The following OMG variants were observed in gnomAD, a reference collection of about 807,000 sequenced individuals.
The protein encoded by OMG is oligodendrocyte-myelin glycoprotein.
A neutral mutation model predicts 26.2 loss-of-function variants in OMG; 9 were observed. The observed-to-expected ratio is 0.34, with a 90% CI of 0.21 to 0.60. OMG has a LOEUF of 0.60. OMG is among the 20% of genes least tolerant of loss of function. The pLI is 0.80. For synonymous variants in OMG, 179 were observed against 190.4 expected (o/e 0.94, Z 0.49); for missense variants, 402 against 513.6 (o/e 0.78, Z 2.10).
Position 31,295,069 on chromosome 17 carries a change from A to G in OMG, c.1263T>C (p.Ala421=). Residue 421 remains alanine, a synonymous_variant, in exon 2 of 2, where the codon GCT becomes GCC. Transcript: ENST00000247271. Reference sequence around the variant, plus strand: ...AGAGAAATGAAGCATTTACTTTCCAAGCATTTGCCACAGAAGGTAATGGAG... The same window carrying G: ...AGAGAAATGAAGCATTTACTTTCCAGGCATTTGCCACAGAAGGTAATGGAG... The part of the protein sequence containing the change: ...VKTPLPSVAN[A]WKVNASFLLL... 4.3e-6 allele frequency: 7 copies of G among 1,614,174 alleles called. No individual in the cohort carries two copies. Among genetic ancestry groups the G allele is most frequent in the Non-Finnish European group, 5.9e-6 (7 of 1,180,006 alleles).
chr17:31,296,744 C>A, intron 1 of OMG: 1 of 211,084 alleles, frequency 4.7e-6, no homozygotes. Context: ...AAATGGCTGT[C>A]GTGTCTTTTT....
At chr17:31,296,600 T>G (rs2068471323) in intron 1 of OMG, 1 of 444,584 alleles carries the variant, frequency 2.2e-6, no homozygotes, top group Admixed American at 3.5e-5. Flanking sequence ...CCCTCCCCCC[T>G]TTTCTAACCA....
chr17:31,295,162 G>A lies in OMG; in HGVS notation c.1170C>T (p.Phe390=). 1 of 1,614,186 alleles carries A rather than the reference G, an allele frequency of 6.2e-7. No homozygotes were observed. The highest frequency in any genetic ancestry group is 1.7e-5 in the Admixed American group (1 of 60,016). The change falls in exon 2 of 2, where the codon TTC becomes TTT. Residue 390 remains phenylalanine (F), a synonymous_variant. Transcript: ENST00000247271. The part of the protein sequence containing the change: ...LSITSGMPNN[F]SEMPQQSTTL... ...TTGTGCTTTGTTGAGGCATTTCAGA[G>A]AAATTATTTGGCATGCCACTAGTGA...
chr17:31,294,787 T>G lies in OMG; in HGVS notation c.*222A>C. On this transcript the variant is annotated 3_prime_UTR_variant, in exon 2 of 2. Transcript: ENST00000247271. ...TCATTTTTTTTATAAAAGAAACTCA[T>G]TAGTTTACTTAATTAAGACAGTAAA... 1 of 585,634 alleles carries G rather than the reference T, an allele frequency of 1.7e-6. No homozygotes were observed. The highest frequency in any genetic ancestry group is 3.0e-6 in the Non-Finnish European group (1 of 332,798). 36.3% of individuals were successfully genotyped at this position (585,634 alleles called of 1,614,324 possible). A position where few individuals can be genotyped will look rare whatever the true frequency, so the allele number is the denominator to read the frequency against.
Position 31,295,032 on chromosome 17 carries a change from C to T in OMG, c.1300G>A (p.Val434Ile). The change falls in exon 2 of 2, where the codon GTT (valine) becomes ATT (isoleucine). Residue 434 changes from valine (V) to isoleucine (I), a missense_variant. Transcript: ENST00000247271. ...CCTCAGACAGCCAGCATGACCACAA[C>T]ATTGAGCAATAAGAGAAATGAAGCA... ...VNASFLLLLNVVVMLAV is the reference protein window; with the variant it reads ...VNASFLLLLNIVVMLAV 1 of 1,614,120 alleles carries T rather than the reference C, an allele frequency of 6.2e-7. No individual in the cohort carries two copies. The highest frequency in any genetic ancestry group is 8.5e-7 in the Non-Finnish European group (1 of 1,179,990).
rs1176325695 is a variant in OMG at position 31,296,572 on chromosome 17, C to G, written c.-6-235G>C. 5 of 511,324 alleles carry G rather than the reference C, an allele frequency of 9.8e-6. No individual in the cohort carries two copies. In the East Asian group the frequency reaches 1.7e-4, roughly 17 times the overall value. The allele number at this position is 511,324 out of a possible 1,614,324, so 31.7% of individuals were successfully genotyped here. A position where few individuals can be genotyped will look rare whatever the true frequency, so the allele number is the denominator to read the frequency against. On this transcript the variant is annotated intron_variant, in intron 1 of 1. Coordinates refer to ENST00000247271, the MANE Select transcript of OMG (RefSeq NM_002544.5). The stretch of plus-strand genomic sequence containing the variant: ...CTCTCCCTACTCTCTCCTGCATTTT[C>G]TCCTTTATTTTCTCTCTCCCTCCCC...
In OMG at chr17:31,294,889, G is replaced by GT; in HGVS notation, c.*119dup. The GT allele has an allele frequency of 1.5e-6, 2 of 1,342,198 alleles. No individual in the cohort carries two copies. The highest frequency in any genetic ancestry group is 2.1e-6 in the Non-Finnish European group (2 of 943,590). The allele number at this position is 1,342,198 out of a possible 1,614,324, so 83.1% of individuals were successfully genotyped here. A position where few individuals can be genotyped will look rare whatever the true frequency, so the allele number is the denominator to read the frequency against. On this transcript the variant is annotated 3_prime_UTR_variant, in exon 2 of 2. Transcript: ENST00000247271. ...CTTCATTTACATCAGAGTTAGAAAT[G>GT]TTAAGACTGGCTTTCTTGAATACTT... is the stretch of plus-strand genomic sequence containing the variant.
chr17:31,296,998 G>A (rs1395216650), intron 1 of OMG, 158 bp downstream of exon 1: 1 of 152,154 alleles, frequency 6.6e-6, no homozygotes, highest in East Asian at 1.9e-4. Flanking sequence ...CAGAGTGACT[G>A]AATGTATAAA....
At position 31,295,426 on chromosome 17, in the gene OMG, T is replaced by G. The variant is rs1200972876; in HGVS notation, c.906A>C (p.Lys302Asn). The G allele has an allele frequency of 6.2e-7, 1 of 1,614,126 alleles. No individual in the cohort carries two copies. The highest frequency in any genetic ancestry group is 1.7e-5 in the Admixed American group (1 of 60,018). Residue 302 changes from lysine to asparagine, a missense_variant, in exon 2 of 2, where the codon AAA (lysine) becomes AAC (asparagine). Physicochemically the swap from Lys to Asn is moderately conservative, Grantham distance 94. This residue lies in a region of OMG where 247 missense variants were observed against 274.7 expected (regional missense o/e 0.90). Transcript: ENST00000247271. ...CCTTTGTTCGATATTGTTTGGGTAT[T>G]TTGGTCACTTTGGGTTGAGTTACCA... ...LSVVTQPKVTKIPKQYRTKET... is the reference protein window; with the variant it reads ...LSVVTQPKVTNIPKQYRTKET...
At position 31,295,351 on chromosome 17, in the gene OMG, A is replaced by T; in HGVS notation, c.981T>A (p.Thr327=). The change falls in exon 2 of 2, where the codon ACT becomes ACA. Residue 327 remains threonine (T), a synonymous_variant. Transcript: ENST00000247271. ...CTGGATAGGGCACAAAAGCCTTATC[A>T]GTGCTAGTAAAGGTGGTGTCTTTGC... The part of the protein sequence containing the change: ...TLSKDTTFTS[T]DKAFVPYPED... 6.2e-7 allele frequency: 1 copy of T among 1,614,132 alleles called. No homozygotes were observed. Among genetic ancestry groups the T allele is most frequent in the Non-Finnish European group, 8.5e-7 (1 of 1,180,008 alleles).
chr17:31,295,229 G>C lies in OMG; in HGVS notation c.1103C>G (p.Thr368Ser). 1.9e-6 allele frequency: 3 copies of C among 1,614,118 alleles called. No homozygotes were observed. The highest frequency in any genetic ancestry group is 2.5e-6 in the Non-Finnish European group (3 of 1,180,014). ...QDGMVTNTSL[T>S]SSTKSSPTPM... ...TGTTGGGGATGATTTTGTTGAGCTA[G>C]TGAGGCTTGTGTTTGTGACCATTCC... The change falls in exon 2 of 2, where the codon ACT becomes AGT. Residue 368 changes from threonine (T) to serine (S), a missense_variant. Physicochemically the swap from Thr to Ser is moderately conservative, Grantham distance 58. Around this residue, in one of 3 missense-constraint regions of OMG, gnomAD observed 247 missense variants for 274.7 expected, o/e 0.90. Transcript: ENST00000247271.
rs2068457016 is a variant in OMG at position 31,296,026 on chromosome 17, C to T, written c.306G>A (p.Trp102Ter). The T allele has an allele frequency of 6.2e-7, 1 of 1,614,036 alleles. No individual in the cohort carries two copies. Residue 102 changes from tryptophan (W) to a stop codon, truncating the protein, a stop_gained, in exon 2 of 2, where the codon TGG becomes TGA. Transcript: ENST00000247271. LOFTEE classifies it high-confidence loss of function. ...SLPAHLPRSL[W>*]NMSAANNNIK... is the part of the protein sequence containing the mutation. ...TGTTGTTGTTAGCAGCAGACATGTT[C>T]CACAGAGACCGAGGTAAGTGAGCAG...
chr17:31,295,032 C>G lies in OMG; in HGVS notation c.1300G>C (p.Val434Leu). Residue 434 changes from valine (V) to leucine (L), a missense_variant, in exon 2 of 2, where the codon GTT becomes CTT. Around this residue, in one of 3 missense-constraint regions of OMG, gnomAD observed 247 missense variants for 274.7 expected, o/e 0.90. Transcript: ENST00000247271. Reference sequence around the variant, plus strand: ...CCTCAGACAGCCAGCATGACCACAACATTGAGCAATAAGAGAAATGAAGCA... The same window carrying G: ...CCTCAGACAGCCAGCATGACCACAAGATTGAGCAATAAGAGAAATGAAGCA... ...VNASFLLLLNVVVMLAV is the reference protein window; with the variant it reads ...VNASFLLLLNLVVMLAV 6.2e-7 allele frequency: 1 copy of G among 1,614,120 alleles called. No homozygotes were observed. The highest frequency in any genetic ancestry group is 8.5e-7 in the Non-Finnish European group (1 of 1,179,990).
intron 1 of OMG, 152 bp from the exon 2 acceptor site, chr17:31,296,489 C>A: frequency 1.4e-6 from 1 of 729,664 alleles, no homozygotes; most frequent in South Asian, 1.6e-5. Flanking sequence ...CAAAGCTCCC[C>A]TTCATTTATA....
At chr17:31,296,504 A>G (rs1390843128) in intron 1 of OMG, 167 bp from the exon 2 acceptor site, 1 of 673,594 alleles carries the variant, frequency 1.5e-6, no homozygotes, top group African/African-American at 1.8e-5. Flanking sequence ...TTTATAGTCC[A>G]AATGCTTAAT....
Position 31,296,749 on chromosome 17 carries a change from CTTTT to C in OMG, c.-7+403_-7+406del, listed in dbSNP as rs965452812. The C allele has an allele frequency of 1.5e-5, 3 of 202,168 alleles. No individual in the cohort carries two copies. In the Admixed American group the frequency reaches 1.7e-4, roughly 11 times the overall value. 12.5% of individuals were successfully genotyped at this position (202,168 alleles called of 1,614,324 possible). On this transcript the variant is annotated intron_variant, in intron 1 of 1. Coordinates refer to ENST00000247271, the MANE Select transcript of OMG (RefSeq NM_002544.5). ...AGATGAGAAAAAATGGCTGTCGTGT[CTTTT>C]TTTTTTAATCTCTGCAGTAATGTAA...
intron 1 of OMG, 41 bp from the exon 2 acceptor site, chr17:31,296,378 A>T (rs1285472768): frequency 1.9e-6 from 3 of 1,609,718 alleles, no homozygotes; most frequent in Non-Finnish European, 2.5e-6. Flanking sequence ...ATATGCAAAT[A>T]CAGTTTAGGC....
Position 31,295,879 on chromosome 17 carries a change from G to C in OMG, c.453C>G (p.Leu151=), listed in dbSNP as rs777026450. ...IKNTLRSLEV[L]NLSSNKLWTV... is the part of the protein sequence containing the mutation. ...TCCAAAGTTTGTTACTACTGAGGTT[G>C]AGAACCTCGAGACTTCTTAGTGTAT... is the stretch of plus-strand genomic sequence containing the variant. Residue 151 remains leucine (L), a synonymous_variant, in exon 2 of 2, where the codon CTC becomes CTG. Transcript: ENST00000247271. The C allele has an allele frequency of 6.2e-7, 1 of 1,614,162 alleles. No homozygotes were observed. Among genetic ancestry groups the C allele is most frequent in the Admixed American group, 1.7e-5 (1 of 60,026 alleles).
chr17:31,294,727 A>C lies in OMG; in HGVS notation c.*282T>G, dbSNP rs1378954922. On this transcript the variant is annotated 3_prime_UTR_variant, in exon 2 of 2. Transcript: ENST00000247271. ...ATACATATTAAAGTTTAGATGCTTTATATTTTGTGCAATAAATTGAAGCCT... is the reference window on the plus strand; with the variant it reads ...ATACATATTAAAGTTTAGATGCTTTCTATTTTGTGCAATAAATTGAAGCCT... 6.4e-6 allele frequency: 3 copies of C among 465,844 alleles called. No individual in the cohort carries two copies. The highest frequency in any genetic ancestry group is 1.2e-5 in the Non-Finnish European group (3 of 256,686). 28.9% of individuals were successfully genotyped at this position (465,844 alleles called of 1,614,324 possible).
Sources: gnomAD v4.1 joint callset for allele counts on GRCh38, gnomAD v4.1.1 for gene constraint, gnomAD v4.1.1 regional missense constraint, MANE v1.5 for transcripts, NCBI Gene and HGNC (gene_info 2026-07-23, HGNC 2026-07-21) for gene names.